The following C16orf96 variants were observed in gnomAD, a reference collection of about 807,000 sequenced individuals.
C16orf96 encodes chromosome 16 open reading frame 96.
In C16orf96, 108 loss-of-function variants were observed where a neutral mutation model predicts 103.6. That is an observed-to-expected ratio of 1.04 (90% confidence interval 0.89 to 1.22). The LOEUF (loss-of-function observed/expected upper bound fraction) is 1.22. C16orf96 is among the 50% of genes most tolerant of loss of function. The pLI is 0.00. For synonymous variants in C16orf96, 566 were observed against 593.5 expected (o/e 0.95, Z 0.67); for missense variants, 1,586 against 1,464.2 (o/e 1.08, Z -1.36).
the C16orf96 span, among the ~76,000 whole-genome samples, chr16:4,549,040 T>C: frequency 1.3e-5 from 2 of 152,036 alleles, no homozygotes; most frequent in African/African-American, 2.4e-5. Flanking sequence ...TGTTTATCTC[T>C]CTTAGTTTAG....
chr16:4,579,486 G>A (rs919790410), intron 6 of C16orf96, among the ~76,000 whole-genome samples: 3 of 149,198 alleles, frequency 2.0e-5, no homozygotes, highest in African/African-American at 7.4e-5. Flanking sequence ...CCTGGGAGGT[G>A]GAGGCTGCAA....
At chr16:4,558,230 C>G (rs2059287828) in intron 1 of C16orf96, among the ~76,000 whole-genome samples, 1 of 152,238 alleles carries the variant, frequency 6.6e-6, no homozygotes, top group African/African-American at 2.4e-5. Flanking sequence ...GGCGTGGCCT[C>G]TGACCCTGGC....
In C16orf96 at chr16:4,593,821, A is replaced by G. The variant is rs970110145; in HGVS notation, c.2867+505A>G. On this transcript the variant is annotated intron_variant, in intron 12 of 15. Coordinates refer to ENST00000444310, the MANE Select transcript of C16orf96 (RefSeq NM_001145011.2). This position sits in a 1 kb window ranked among gnomAD's most constrained non-coding sequence, Gnocchi z 4.2. The stretch of plus-strand genomic sequence containing the variant: ...TCAGAGAACTGCAGTGACCTGCCCA[A>G]GGTCACTGCTAGCAAGTCCAGGGCT... Among the ~76,000 whole-genome samples the G allele has an allele frequency of 7.2e-5, 11 of 152,170 alleles. No homozygotes were observed. The highest frequency in any genetic ancestry group is 2.7e-4 in the African/African-American group (11 of 41,444).
rs1371493395 is a variant in C16orf96 at position 4,594,809 on chromosome 16, G to C, written c.3127+6G>C. 1.9e-5 allele frequency: 30 copies of C among 1,549,436 alleles called. No individual in the cohort carries two copies. Among genetic ancestry groups the C allele is most frequent in the Non-Finnish European group, 2.6e-5 (30 of 1,146,716 alleles). On this transcript the variant is annotated splice_donor_region_variant and intron_variant, in intron 14 of 15. Coordinates refer to ENST00000444310, the MANE Select transcript of C16orf96 (RefSeq NM_001145011.2). ...CGTCGCAAAGGAGCTGGCAGGTGAG[G>C]GGCGTAGGGCTCCCTGGGGCACCCT...
chr16:4,588,087 A>C, intron 8 of C16orf96, 80 bp from the exon 9 acceptor site: 1 of 1,428,606 alleles, frequency 7.0e-7, no homozygotes, highest in Non-Finnish European at 9.4e-7. Context: ...GAAGCATCAG[A>C]CCCAAGGGGT....
rs1167348379 is a variant in C16orf96 at position 4,575,538 on chromosome 16, TC to T, written c.1061del (p.Pro354GlnfsTer5). ...GAGCCTGTGCCTGCCCTGGGGCCTG[TC>T]CCAGGGCCCAGTGTGACACCTGGGT... is the stretch of plus-strand genomic sequence containing the variant. Reference protein sequence around the residue: ...ELEPVPALGPVPGPSVTPGSL... With the variant: ...ELEPVPALGPXPGPSVTPGSL... On this transcript the variant is annotated frameshift_variant, in exon 5 of 16. Coordinates refer to ENST00000444310, the MANE Select transcript of C16orf96 (RefSeq NM_001145011.2). LOFTEE classifies it high-confidence loss of function. The T allele has an allele frequency of 1.3e-6, 2 of 1,540,664 alleles. No homozygotes were observed. The highest frequency in any genetic ancestry group is 2.7e-5 in the African/African-American group (2 of 72,836).
At chr16:4,540,686 C>G in the C16orf96 span, among the ~76,000 whole-genome samples, 1 of 151,876 alleles carries the variant, frequency 6.6e-6, no homozygotes, top group South Asian at 2.1e-4. Flanking sequence ...AAGATCACAC[C>G]ACTGCTCTCC....
intron 7 of C16orf96, among the ~76,000 whole-genome samples, chr16:4,580,352 C>T (rs564121966): frequency 3.2e-5 from 4 of 126,438 alleles, no homozygotes; most frequent in African/African-American, 1.2e-4. Context: ...GGACAATGTT[C>T]GTCTTTTTGA....
chr16:4,585,296 A>AG (rs1896896055), intron 7 of C16orf96, among the ~76,000 whole-genome samples: 19 of 104,958 alleles, frequency 1.8e-4, no homozygotes, highest in Non-Finnish European at 3.0e-4. Context: ...CTCTACAAAA[A>AG]AAAAAAAAAA....
At chr16:4,570,463 C>CTTTTT (rs59843201) in intron 1 of C16orf96, among the ~76,000 whole-genome samples, 3 of 91,496 alleles carry the variant, frequency 3.3e-5, no homozygotes, top group South Asian at 3.9e-4. Flanking sequence ...TCACAACACG[C>CTTTTT]TTTTTTTTTT....
At chr16:4,577,494 C>CA (rs1393498600) in intron 5 of C16orf96, among the ~76,000 whole-genome samples, 3 of 150,662 alleles carry the variant, frequency 2.0e-5, no homozygotes, top group South Asian at 2.1e-4. Flanking sequence ...ACTAAAAATA[C>CA]AAAAAAATTA....
chr16:4,549,867 T>A, the C16orf96 span, among the ~76,000 whole-genome samples: 1 of 152,134 alleles, frequency 6.6e-6, no homozygotes, highest in Non-Finnish European at 1.5e-5. Flanking sequence ...CCGACTCCCC[T>A]TCGCCTTCCA....
rs777380641 is a variant in C16orf96 at position 4,556,567 on chromosome 16, G to A, written c.78G>A (p.Leu26=). 24 of 1,551,638 alleles carry A rather than the reference G, an allele frequency of 1.5e-5. No individual in the cohort carries two copies. In the South Asian group the frequency reaches 2.9e-4, roughly 18 times the overall value. The part of the protein sequence containing the change: ...PQCGVLNFKA[L]HLLLHGILEH... ...GCGGGGTGCTGAACTTCAAGGCCCT[G>A]CACCTCCTGCTGCACGGCATCTTGG... Residue 26 remains leucine, a synonymous_variant, in exon 1 of 16, where the codon CTG becomes CTA. Coordinates refer to ENST00000444310, the MANE Select transcript of C16orf96 (RefSeq NM_001145011.2).
At chr16:4,598,167 C>A (rs1897212724) in intron 14 of C16orf96, among the ~76,000 whole-genome samples, 1 of 151,882 alleles carries the variant, frequency 6.6e-6, no homozygotes. Flanking sequence ...ACCTGGGCAA[C>A]ATCGTGAAAC....
rs1555506248 is a variant in C16orf96 at position 4,580,310 on chromosome 16, A to ACCG, written c.2352+187_2352+188insGCC. Among the ~76,000 whole-genome samples, 4 of 104,506 alleles carry ACCG rather than the reference A, an allele frequency of 3.8e-5. 1 individual carries two copies. 68.6% of individuals were successfully genotyped at this position (104,506 alleles called of 152,430 possible). A position where few individuals can be genotyped will look rare whatever the true frequency, so the allele number is the denominator to read the frequency against. On this transcript the variant is annotated intron_variant, in intron 7 of 15. Coordinates refer to ENST00000444310, the MANE Select transcript of C16orf96 (RefSeq NM_001145011.2). ...CAATGAAAAGCAAACGAATCCCACC[A>ACCG]CCCCCCCCCACCCATATAAACAGAA...
chr16:4,552,497 A>G (rs1451077311), upstream of C16orf96, among the ~76,000 whole-genome samples: 2 of 151,910 alleles, frequency 1.3e-5, no homozygotes, highest in East Asian at 1.9e-4. Context: ...AAAAAAAAAA[A>G]AAAAGAAACG....
At chr16:4,538,630 G>A in the C16orf96 span, 1 of 152,246 alleles carries the variant, frequency 6.6e-6, no homozygotes, top group Non-Finnish European at 1.5e-5. Flanking sequence ...AGGAGAGCTG[G>A]CGCCCAGACC....
chr16:4,547,662 TTC>T, the C16orf96 span, among the ~76,000 whole-genome samples: 1 of 112,880 alleles, frequency 8.9e-6, no homozygotes, highest in East Asian at 2.5e-4. Context: ...CCTTCCTTCC[TTC>T]CTTCCTTGCT....
At chr16:4,544,857 G>T in the C16orf96 span, among the ~76,000 whole-genome samples, 5 of 152,060 alleles carry the variant, frequency 3.3e-5, no homozygotes, top group African/African-American at 1.2e-4. Flanking sequence ...GGGAACTGGG[G>T]ACTAGATGAG....
Sources: allele counts gnomAD v4.1 joint callset (sites outside exome capture counted in the v4.1 genomes callset), GRCh38; gene constraint gnomAD v4.1.1; non-coding constraint Gnocchi (gnomAD v3.1); transcripts MANE v1.5; gene names NCBI Gene and HGNC (gene_info 2026-07-23, HGNC 2026-07-21).